Variants in COL14A1 observed in about 807,000 individuals in gnomAD.
COL14A1 encodes the protein collagen alpha-1(XIV) chain.
A neutral mutation model predicts 230.3 loss-of-function variants in COL14A1; 136 were observed. That is an observed-to-expected ratio of 0.59 (90% CI 0.51 to 0.68). The LOEUF (loss-of-function observed/expected upper bound fraction) is 0.68. Ranked by LOEUF, COL14A1 falls within the 30% of genes least tolerant of loss-of-function variation. COL14A1 has a pLI of 0.00. For missense variants in COL14A1, 1,976 were observed against 2,215.8 expected, an observed-to-expected ratio of 0.89 and a Z score of 2.17; for synonymous variants, 792 against 784.1, an observed-to-expected ratio of 1.01 and a Z score of -0.17.
At chr8:120,361,099 A>T (rs1230165428) in intron 45 of COL14A1, among the ~76,000 whole-genome samples, 1 of 152,058 alleles carries the variant, frequency 6.6e-6, no homozygotes, top group Non-Finnish European at 1.5e-5. Flanking sequence ...TCCTACAGGT[A>T]ATAGTGGCTC....
rs1477304820 is a variant in COL14A1, at chr8:120,315,598, G to GT, written c.4605+18dup. The GT allele has an allele frequency of 6.2e-7, 1 of 1,610,116 alleles. No individual in the cohort carries two copies. The highest frequency in any genetic ancestry group is 1.7e-5 in the Admixed American group (1 of 59,758). The stretch of plus-strand genomic sequence containing the variant: ...TTCCAGGTCCACAGGTATTATTTTT[G>GT]TTTTTTAAGTCTATTGCTCTCAGTC... On this transcript the variant is annotated intron_variant, in intron 39 of 47. Coordinates refer to ENST00000297848, the MANE Select transcript of COL14A1 (RefSeq NM_021110.4).
At chr8:120,154,553 A>G (rs1246521872) in intron 2 of COL14A1, among the ~76,000 whole-genome samples, 3 of 152,130 alleles carry the variant, frequency 2.0e-5, no homozygotes, top group Non-Finnish European at 4.4e-5. Flanking sequence ...GATGATGTTT[A>G]TATATTCACA....
chr8:120,207,407 T>G (rs968130644), intron 10 of COL14A1, among the ~76,000 whole-genome samples: 1 of 117,578 alleles, frequency 8.5e-6, no homozygotes, highest in South Asian at 2.7e-4. Flanking sequence ...CCAGGACCCC[T>G]TTTGCTATTT....
intron 5 of COL14A1, among the ~76,000 whole-genome samples, chr8:120,192,591 C>G (rs1033236769): frequency 4.5e-4 from 69 of 152,244 alleles, no homozygotes; most frequent in Non-Finnish European, 8.7e-4. Context: ...GAATGTTGGC[C>G]TGCCTTGCTA....
At chr8:120,288,438 A>T (rs1357927194) in intron 33 of COL14A1, among the ~76,000 whole-genome samples, 2 of 152,132 alleles carry the variant, frequency 1.3e-5, no homozygotes, top group Non-Finnish European at 2.9e-5. Flanking sequence ...AAGTTGAACA[A>T]AACCAGTAAA....
intron 14 of COL14A1, among the ~76,000 whole-genome samples, chr8:120,216,962 C>G (rs749957212): frequency 4.1e-4 from 62 of 152,172 alleles, no homozygotes; most frequent in Non-Finnish European, 2.5e-4. Context: ...CTATCACACT[C>G]CATTAGTATG....
intron 45 of COL14A1, among the ~76,000 whole-genome samples, chr8:120,362,726 T>A (rs1054225744): frequency 1.3e-5 from 2 of 152,186 alleles, no homozygotes; most frequent in Non-Finnish European, 2.9e-5. Context: ...AATCTCTGTA[T>A]CTTTTACTCA....
chr8:120,275,629 C>A (rs1819814761), intron 26 of COL14A1, among the ~76,000 whole-genome samples: 2 of 151,656 alleles, frequency 1.3e-5, no homozygotes, highest in African/African-American at 4.8e-5. Flanking sequence ...ACACACAAAT[C>A]AGCAAGAAAA....
rs1267189609 is a variant in COL14A1 at position 120,373,260 on chromosome 8, G to A, written c.*2029G>A. ...AATCCATTCACATCATTCTTGAGTT[G>A]TGCAAATACACTTGGCTTTGATTTC... is the stretch of plus-strand genomic sequence containing the variant. On this transcript the variant is annotated 3_prime_UTR_variant, in exon 48 of 48. Coordinates refer to ENST00000297848, the MANE Select transcript of COL14A1 (RefSeq NM_021110.4). Among the ~76,000 whole-genome samples the A allele has an allele frequency of 6.6e-6, 1 of 152,280 alleles. No individual in the cohort carries two copies. The highest frequency in any genetic ancestry group is 2.1e-4 in the South Asian group (1 of 4,822).
At chr8:120,166,926 G>A (rs975054597) in intron 4 of COL14A1, among the ~76,000 whole-genome samples, 21 of 148,088 alleles carry the variant, frequency 1.4e-4, no homozygotes, top group Middle Eastern at 3.5e-3. Context: ...GTGTGTGGTG[G>A]TGATGATGGT....
chr8:120,332,958 A>G (rs1046092337), intron 42 of COL14A1, among the ~76,000 whole-genome samples: 1 of 152,240 alleles, frequency 6.6e-6, no homozygotes, highest in African/African-American at 2.4e-5. Flanking sequence ...ATAATCTGTC[A>G]TGCTTTTGCT....
chr8:120,167,519 GA>G (rs1156608857), intron 4 of COL14A1, among the ~76,000 whole-genome samples: 5 of 152,208 alleles, frequency 3.3e-5, no homozygotes, highest in African/African-American at 1.2e-4. Context: ...GAATGCAGTG[GA>G]AAGTTAAGCT....
chr8:120,210,844 T>C (rs114014347), intron 12 of COL14A1, among the ~76,000 whole-genome samples: 2,901 of 152,274 alleles, frequency 0.019, 64 homozygotes, highest in Middle Eastern at 0.12. Context: ...TGGTGACATG[T>C]GTCTTTTTAT....
rs1015164619 is a variant in COL14A1 at position 120,149,987 on chromosome 8, C to A, written c.88+2057C>A. Among the ~76,000 whole-genome samples, 20 of 152,260 alleles carry A rather than the reference C, an allele frequency of 1.3e-4. No individual in the cohort carries two copies. In the South Asian group the frequency reaches 4.2e-3, roughly 32 times the overall value. The stretch of plus-strand genomic sequence containing the variant: ...GGGATTACAGGTGTGAACCATCGTG[C>A]CCAGCCACCAAATTCTGTTTTAAGT... On this transcript the variant is annotated intron_variant, in intron 2 of 47. Transcript: ENST00000297848.
At chr8:120,341,145 G>A (rs535589455) in intron 42 of COL14A1, among the ~76,000 whole-genome samples, 180 bp from the exon 43 acceptor site, 1 of 152,254 alleles carries the variant, frequency 6.6e-6, no homozygotes, top group African/African-American at 2.4e-5. Flanking sequence ...GCTTAACAGA[G>A]CTTTTTATGT....
chr8:120,198,005 T>C, intron 7 of COL14A1, 75 bp downstream of exon 7: 1 of 1,432,646 alleles, frequency 7.0e-7, no homozygotes, highest in South Asian at 1.2e-5. Flanking sequence ...TTTGCCACTT[T>C]GTAAGCGTTA....
chr8:120,203,899 G>C, intron 9 of COL14A1, 29 bp downstream of exon 9: 1 of 1,606,816 alleles, frequency 6.2e-7, no homozygotes, highest in Non-Finnish European at 8.5e-7. Context: ...CAGTCCTGTG[G>C]ATGTCAGTAT....
At position 120,212,333 on chromosome 8, in the gene COL14A1, G is replaced by T. The variant is rs535912711; in HGVS notation, c.1468-115G>T. ...TGACTGAAGCCTGTTTGATGAAGGG[G>T]TTGTAACAGGACGTAAAGTCTTATC... On this transcript the variant is annotated intron_variant, in intron 12 of 47. Transcript: ENST00000297848. 1.9e-5 allele frequency: 18 copies of T among 970,692 alleles called. No individual in the cohort carries two copies. The East Asian group carries it at 4.5e-4, about 24-fold the overall frequency. 60.1% of individuals were successfully genotyped at this position (970,692 alleles called of 1,614,324 possible).
intron 23 of COL14A1, among the ~76,000 whole-genome samples, chr8:120,258,541 G>A (rs1447027796): frequency 6.6e-6 from 1 of 152,072 alleles, no homozygotes; most frequent in African/African-American, 2.4e-5. Context: ...CAAGACTGAG[G>A]AGGAATGGAT....
Sources: allele counts gnomAD v4.1 joint callset (sites outside exome capture counted in the v4.1 genomes callset), GRCh38; gene constraint gnomAD v4.1.1; transcripts MANE v1.5; gene names NCBI Gene and HGNC (gene_info 2026-07-23, HGNC 2026-07-21).